Variants in NAP1L4 observed in about 807,000 individuals in gnomAD.
NAP1L4 encodes the protein nucleosome assembly protein 1 like 4, also known as nucleosome assembly protein 1-like 4.
A neutral mutation model predicts 58.2 loss-of-function variants in NAP1L4; 15 were observed. That is an observed-to-expected ratio of 0.26 (90% CI 0.17 to 0.40). NAP1L4 has a LOEUF of 0.40. Ranked by LOEUF, NAP1L4 falls within the 10% of genes least tolerant of loss-of-function variation. NAP1L4 has a pLI of 1.00. For missense variants in NAP1L4, 384 were observed against 451.1 expected, an observed-to-expected ratio of 0.85 and a Z score of 1.35; for synonymous variants, 171 against 155.6, an observed-to-expected ratio of 1.10 and a Z score of -0.74.
At chr11:2,976,486 G>A (rs929819878) in intron 3 of NAP1L4, among the ~76,000 whole-genome samples, 2 of 152,142 alleles carry the variant, frequency 1.3e-5, no homozygotes, top group Non-Finnish European at 2.9e-5. Context: ...CAGAAGCCAC[G>A]AACAGAGATG....
chr11:2,988,501 C>G (rs1333353604), intron 1 of NAP1L4, among the ~76,000 whole-genome samples: 1 of 152,160 alleles, frequency 6.6e-6, no homozygotes, highest in African/African-American at 2.4e-5. Context: ...GAACTGTGCC[C>G]AGTACATAGA....
Position 2,949,588 on chromosome 11 carries a change from C to G in NAP1L4, c.1123-324G>C, listed in dbSNP as rs548639521. On this transcript the variant is annotated intron_variant, in intron 14 of 15. Coordinates refer to ENST00000380542, the MANE Select transcript of NAP1L4 (RefSeq NM_005969.4). This position sits in a 1 kb window ranked among gnomAD's most constrained non-coding sequence, Gnocchi z 4.0. The stretch of plus-strand genomic sequence containing the variant: ...TTGGCCTTATCCTGGCCACACATGC[C>G]GGGCCGTCTCTGAACTTCATTCACA... Among the ~76,000 whole-genome samples the G allele has an allele frequency of 6.6e-6, 1 of 152,150 alleles. No individual in the cohort carries two copies. Among genetic ancestry groups the G allele is most frequent in the African/African-American group, 2.4e-5 (1 of 41,436 alleles).
chr11:2,977,866 TAAA>T (rs34636304), intron 3 of NAP1L4, among the ~76,000 whole-genome samples: 6 of 138,366 alleles, frequency 4.3e-5, no homozygotes, highest in African/African-American at 1.1e-4. Flanking sequence ...GGTATAGACT[TAAA>T]AAAAAAAAAA....
In NAP1L4 at chr11:2,948,785, A is replaced by C. The variant is rs1280791489; in HGVS notation, c.*32+442T>G. On this transcript the variant is annotated intron_variant, in intron 15 of 15. Coordinates refer to ENST00000380542, the MANE Select transcript of NAP1L4 (RefSeq NM_005969.4). The surrounding 1 kb of genome is among the most constrained non-coding windows in gnomAD (Gnocchi z 5.1). ...CAAAACATGAATTCAAAAAGTATAG[A>C]TATTCAACAGACACGTGTTGGTAAT... Among the ~76,000 whole-genome samples the C allele has an allele frequency of 2.0e-5, 3 of 152,186 alleles. No individual in the cohort carries two copies.
At position 2,954,801 on chromosome 11, in the gene NAP1L4, G is replaced by A. The variant is rs557112220; in HGVS notation, c.916-155C>T. 2.6e-5 allele frequency: 25 copies of A among 954,182 alleles called. No homozygotes were observed. The highest frequency in any genetic ancestry group is 4.5e-5 in the Admixed American group (2 of 44,504). The allele number at this position is 954,182 out of a possible 1,614,324, so 59.1% of individuals were successfully genotyped here. On this transcript the variant is annotated intron_variant, in intron 11 of 15. Transcript: ENST00000380542. This position sits in a 1 kb window ranked among gnomAD's most constrained non-coding sequence, Gnocchi z 4.8. ...GGGGGACAGCCACTAGACACTCAAA[G>A]CCCCTTTAAAACAACTTTAAGTAGC... is the stretch of plus-strand genomic sequence containing the variant.
rs1590222589 is a variant in NAP1L4, at chr11:2,954,662, C to T, written c.916-16G>A. 6.2e-7 allele frequency: 1 copy of T among 1,614,190 alleles called. No individual in the cohort carries two copies. Among genetic ancestry groups the T allele is most frequent in the Non-Finnish European group, 8.5e-7 (1 of 1,180,036 alleles). On this transcript the variant is annotated splice_polypyrimidine_tract_variant and intron_variant, in intron 11 of 15. Coordinates refer to ENST00000380542, the MANE Select transcript of NAP1L4 (RefSeq NM_005969.4). This position sits in a 1 kb window ranked among gnomAD's most constrained non-coding sequence, Gnocchi z 4.8. ...AATCTTCATCCTGAGGAGGAAAAAC[C>T]TACGTGTTAACTCATTTTAATGGGA... is the stretch of plus-strand genomic sequence containing the variant.
rs1457596408 is a variant in NAP1L4 at position 2,944,903 on chromosome 11, A to T, written c.*776T>A. On this transcript the variant is annotated 3_prime_UTR_variant, in exon 16 of 16. Transcript: ENST00000380542. ...TAGGAAGTGGCACATCTTCCTGCTC[A>T]GGGCACCAAGGTGGTTCAGAAACGT... 2 of 152,236 alleles carry T rather than the reference A, an allele frequency of 1.3e-5. No individual in the cohort carries two copies. Among genetic ancestry groups the T allele is most frequent in the African/African-American group, 2.4e-5 (1 of 41,462 alleles). The allele number at this position is 152,236 out of a possible 1,614,324, so 9.4% of individuals were successfully genotyped here. A position where few individuals can be genotyped will look rare whatever the true frequency, so the allele number is the denominator to read the frequency against.
intron 7 of NAP1L4, among the ~76,000 whole-genome samples, chr11:2,968,767 C>G (rs1564982717): frequency 1.3e-5 from 2 of 152,190 alleles, no homozygotes; most frequent in Non-Finnish European, 2.9e-5. Flanking sequence ...TGAATGCAGA[C>G]GTGCTGTTTC....
intron 1 of NAP1L4, 74 bp from the exon 2 acceptor site, chr11:2,979,311 G>A (rs920540582): frequency 4.7e-6 from 6 of 1,265,002 alleles, no homozygotes; most frequent in African/African-American, 3.0e-5. Flanking sequence ...TTTAAACAAC[G>A]GTTATCTGTG....
intron 14 of NAP1L4, among the ~76,000 whole-genome samples, chr11:2,950,007 C>T (rs187308104): frequency 3.9e-5 from 6 of 152,388 alleles, no homozygotes; most frequent in East Asian, 1.9e-4. Context: ...AATAAACACA[C>T]GTGGCCCTTG....
intron 10 of NAP1L4, among the ~76,000 whole-genome samples, chr11:2,956,916 C>T (rs998367181): frequency 5.3e-5 from 8 of 152,152 alleles, no homozygotes; most frequent in Admixed American, 5.2e-4. Context: ...TTTCAAAGCA[C>T]TTACCATTTG....
rs975780342 is a variant in NAP1L4 at position 2,948,239 on chromosome 11, T to C, written c.*32+988A>G. On this transcript the variant is annotated intron_variant, in intron 15 of 15. Transcript: ENST00000380542. This position sits in a 1 kb window ranked among gnomAD's most constrained non-coding sequence, Gnocchi z 5.1. Reference sequence around the variant, plus strand: ...CTGCATCCGCCCTATGTACCATCAGTTTCCCATGAAAGCAGCCTACATGAG... The same window carrying C: ...CTGCATCCGCCCTATGTACCATCAGCTTCCCATGAAAGCAGCCTACATGAG... Among the ~76,000 whole-genome samples the C allele has an allele frequency of 6.6e-6, 1 of 152,170 alleles. No individual in the cohort carries two copies. The highest frequency in any genetic ancestry group is 2.4e-5 in the African/African-American group (1 of 41,426).
chr11:2,987,986 T>A (rs1848744969), intron 1 of NAP1L4: 1 of 152,142 alleles, frequency 6.6e-6, no homozygotes, highest in South Asian at 2.1e-4. Context: ...CGGGACTGCA[T>A]GCACACATCT....
intron 1 of NAP1L4, chr11:2,983,630 A>T (rs1848455599): frequency 6.6e-6 from 1 of 152,184 alleles, no homozygotes; most frequent in Admixed American, 6.5e-5. Flanking sequence ...TAGAAAAAAA[A>T]TAATGAATTT....
Position 2,949,400 on chromosome 11 carries a change from T to C in NAP1L4, c.1123-136A>G. 1.4e-6 allele frequency: 1 copy of C among 718,860 alleles called. No homozygotes were observed. 44.5% of individuals were successfully genotyped at this position (718,860 alleles called of 1,614,324 possible). Reference sequence around the variant, plus strand: ...GATACTGAACTCGGGGTGAACAACTTCAACACTAGATCATACTTTCAAAAT... The same window carrying C: ...GATACTGAACTCGGGGTGAACAACTCCAACACTAGATCATACTTTCAAAAT... On this transcript the variant is annotated intron_variant, in intron 14 of 15. Transcript: ENST00000380542. This position sits in a 1 kb window ranked among gnomAD's most constrained non-coding sequence, Gnocchi z 4.0.
At chr11:2,958,755 G>C (rs1590228135) in intron 9 of NAP1L4, 1 of 561,574 alleles carries the variant, frequency 1.8e-6, no homozygotes, top group Non-Finnish European at 3.1e-6. Flanking sequence ...GTGACCACTG[G>C]AACTTCAGAC....
Position 2,949,463 on chromosome 11 carries a change from C to A in NAP1L4, c.1123-199G>T, listed in dbSNP as rs533117844. 6.6e-6 allele frequency among the ~76,000 whole-genome samples: 1 copy of A among 152,264 alleles called. No homozygotes were observed. The highest frequency in any genetic ancestry group is 1.5e-5 in the Non-Finnish European group (1 of 68,014). On this transcript the variant is annotated intron_variant, in intron 14 of 15. Transcript: ENST00000380542. The surrounding 1 kb of genome is among the most constrained non-coding windows in gnomAD (Gnocchi z 4.0). ...GATTTTCACTTCTATCAGACTGCTC[C>A]CAATACTAAAACCTCCCTTCCTTCC...
chr11:2,981,220 ACAGT>A (rs1413619823), intron 1 of NAP1L4, among the ~76,000 whole-genome samples: 7 of 150,656 alleles, frequency 4.6e-5, no homozygotes, highest in Non-Finnish European at 8.9e-5. Flanking sequence ...CCTGGAAGAC[ACAGT>A]CAGACTGTCT....
intron 1 of NAP1L4, among the ~76,000 whole-genome samples, chr11:2,984,923 T>C (rs1848536730): frequency 6.6e-6 from 1 of 152,246 alleles, no homozygotes; most frequent in Admixed American, 6.5e-5. Flanking sequence ...TGAGTATCTC[T>C]TATCTGAAAT....
Sources: allele counts gnomAD v4.1 joint callset (sites outside exome capture counted in the v4.1 genomes callset), GRCh38; gene constraint gnomAD v4.1.1; non-coding constraint Gnocchi (gnomAD v3.1); transcripts MANE v1.5; gene names NCBI Gene and HGNC (gene_info 2026-07-23, HGNC 2026-07-21).